CHST10: variants seen among roughly 807,000 people sequenced by gnomAD.
CHST10 encodes the protein HNK-1 sulfotransferase.
Under a neutral mutation model 34.7 loss-of-function variants are expected in CHST10, and 24 were observed. The observed-to-expected ratio is 0.69, with a 90% CI of 0.50 to 0.97. The LOEUF (loss-of-function observed/expected upper bound fraction) is 0.97. CHST10 is among the 50% of genes least tolerant of loss of function. CHST10 has a pLI of 0.00. For synonymous variants in CHST10, 161 were observed against 169.3 expected (o/e 0.95, Z 0.38); for missense variants, 402 against 452.1 (o/e 0.89, Z 1.00).
chr2:100,414,282 C>A lies in CHST10; in HGVS notation c.-33+759G>T, dbSNP rs142488252. 3.9e-3 allele frequency among the ~76,000 whole-genome samples: 601 copies of A among 152,216 alleles called. 2 individuals are homozygous for A. Among genetic ancestry groups the A allele is most frequent in the African/African-American group, 0.014 (564 of 41,522 alleles). On this transcript the variant is annotated intron_variant, in intron 2 of 6. Transcript: ENST00000264249. Reference sequence around the variant, plus strand: ...AGGCCTGTCAATGGCCCTTTACTGACAACCTCACCTCATACACATACCAGG... The same window carrying A: ...AGGCCTGTCAATGGCCCTTTACTGAAAACCTCACCTCATACACATACCAGG...
chr2:100,415,176 A>C lies in CHST10; in HGVS notation c.-103-65T>G, dbSNP rs1365389591. 5 of 1,016,730 alleles carry C rather than the reference A, an allele frequency of 4.9e-6. No individual in the cohort carries two copies. In the Admixed American group the frequency reaches 1.4e-4, roughly 29 times the overall value. 63.0% of individuals were successfully genotyped at this position (1,016,730 alleles called of 1,614,324 possible). A position where few individuals can be genotyped will look rare whatever the true frequency, so the allele number is the denominator to read the frequency against. ...GTTACAAGATCAACTTACTTAATAC[A>C]ACTTGGTTTATACTTAGGAAGGAAA... is the stretch of plus-strand genomic sequence containing the variant. On this transcript the variant is annotated intron_variant, in intron 1 of 6. Transcript: ENST00000264249.
At chr2:100,400,380 T>C (rs576483754) in intron 4 of CHST10, among the ~76,000 whole-genome samples, 71 of 151,674 alleles carry the variant, frequency 4.7e-4, no homozygotes, top group Non-Finnish European at 8.7e-4. Flanking sequence ...GCTGGGGTTA[T>C]AAACACACAC....
rs770471547 is a variant in CHST10 at position 100,393,564 on chromosome 2, C to T, written c.752G>A (p.Trp251Ter). The T allele has an allele frequency of 3.7e-6, 6 of 1,614,044 alleles. No homozygotes were observed. The African/African-American group carries it at 8.0e-5, about 22-fold the overall frequency. The change falls in exon 7 of 7, where the codon TGG (tryptophan) becomes TAG (stop). Residue 251 changes from tryptophan (W) to a stop codon, truncating the protein, a stop_gained. Transcript: ENST00000264249. LOFTEE classifies it high-confidence loss of function. Reference protein sequence around the residue: ...VRYLGDPNHRWLDLQFGDHII... With the variant: ...VRYLGDPNHR ...GTGGTCCCCAAACTGAAGGTCTAGC[C>T]ATCTGTGGTTCGGATCGCCGAGGTA...
In CHST10 at chr2:100,395,573, G is replaced by T. The variant is rs1488938780; in HGVS notation, c.469C>A (p.His157Asn). ...SIEEIPENVV[H>N]DHEKNGLPRL... is the part of the protein sequence containing the mutation. ...GGAAGGCCGTTCTTCTCGTGGTCGT[G>T]CACCACGTTTTCGGGGATCTCCTCA... Residue 157 changes from histidine (H) to asparagine (N), a missense_variant, in exon 6 of 7, where the codon CAC becomes AAC. Transcript: ENST00000264249. The T allele has an allele frequency of 6.2e-7, 1 of 1,614,046 alleles. No homozygotes were observed. Among genetic ancestry groups the T allele is most frequent in the Non-Finnish European group, 8.5e-7 (1 of 1,179,936 alleles).
intron 3 of CHST10, among the ~76,000 whole-genome samples, chr2:100,405,681 G>A (rs1055468289): frequency 6.6e-6 from 1 of 152,164 alleles, no homozygotes; most frequent in African/African-American, 2.4e-5. Flanking sequence ...AAAGTACGGT[G>A]CAGAGCACAG....
intron 3 of CHST10, among the ~76,000 whole-genome samples, chr2:100,404,034 G>A (rs375237789): frequency 4.6e-5 from 7 of 152,222 alleles, no homozygotes; most frequent in African/African-American, 1.2e-4. Flanking sequence ...TCAGCCCAGC[G>A]TCCTTGTGCA....
chr2:100,393,787 G>A lies in CHST10; in HGVS notation c.534-5C>T, dbSNP rs1174815463. ...AACTTGAAGTATGTTTTCAATCTAA[G>A]GAAAAAAACGAACAAGAGGTTAACT... On this transcript the variant is annotated splice_region_variant and splice_polypyrimidine_tract_variant and intron_variant, in intron 6 of 6. Coordinates refer to ENST00000264249, the MANE Select transcript of CHST10 (RefSeq NM_004854.5). 1 of 1,598,314 alleles carries A rather than the reference G, an allele frequency of 6.3e-7. No homozygotes were observed.
At chr2:100,413,291 C>T (rs1037315397) in intron 2 of CHST10, among the ~76,000 whole-genome samples, 3 of 152,224 alleles carry the variant, frequency 2.0e-5, no homozygotes, top group Admixed American at 6.5e-5. Flanking sequence ...CCCCTACACG[C>T]CCTCCCTTCG....
At chr2:100,399,157 G>A (rs1246693336) in intron 4 of CHST10, among the ~76,000 whole-genome samples, 3 of 150,758 alleles carry the variant, frequency 2.0e-5, no homozygotes, top group Non-Finnish European at 4.4e-5. Context: ...AGGCTGGAGT[G>A]CAGTGGCACG....
intron 4 of CHST10, among the ~76,000 whole-genome samples, chr2:100,398,564 TGTG>T (rs1402752819): frequency 4.0e-5 from 6 of 151,794 alleles, no homozygotes; most frequent in African/African-American, 1.2e-4. Flanking sequence ...ATTAGCTGGG[TGTG>T]GTGGTGCACA....
intron 5 of CHST10, among the ~76,000 whole-genome samples, chr2:100,395,858 G>A (rs908181501): frequency 6.6e-5 from 10 of 152,216 alleles, no homozygotes; most frequent in Admixed American, 5.9e-4. Context: ...TCAGGGAGGA[G>A]GGGGAGGGAG....
In CHST10 at chr2:100,393,506, A is replaced by G. The variant is rs766144204; in HGVS notation, c.810T>C (p.Cys270=). 1.3e-5 allele frequency: 21 copies of G among 1,614,106 alleles called. No homozygotes were observed. The South Asian group carries it at 2.2e-4, about 17-fold the overall frequency. Residue 270 remains cysteine (C), a synonymous_variant, in exon 7 of 7, where the codon TGT becomes TGC. Coordinates refer to ENST00000264249, the MANE Select transcript of CHST10 (RefSeq NM_004854.5). ...CACTGTACATTATCTCACAGGGAGC[A>G]CAGAGCTCTACATACGTCACCCAGT... ...IIHWVTYVEL[C]APCEIMYSVI... is the part of the protein sequence containing the mutation.
intron 5 of CHST10, among the ~76,000 whole-genome samples, chr2:100,397,367 C>T (rs954954559): frequency 1.3e-5 from 2 of 152,232 alleles, no homozygotes; most frequent in Non-Finnish European, 2.9e-5. Context: ...ATCCTCTGAA[C>T]ACAGATGCTT....
chr2:100,398,033 G>A lies in CHST10; in HGVS notation c.302C>T (p.Ser101Leu), dbSNP rs1389279650. ...GACAAACTTGGAGACAGGAGTGTGC[G>A]AGAGATTCTTCAGGGCATCATCCCT... ...VCRDDALKNL[S>L]HTPVSKFVLD... The change falls in exon 5 of 7, where the codon TCG (serine) becomes TTG (leucine). Residue 101 changes from serine to leucine, a missense_variant. Transcript: ENST00000264249. 4.3e-6 allele frequency: 7 copies of A among 1,614,150 alleles called. No homozygotes were observed. Among genetic ancestry groups the A allele is most frequent in the Admixed American group, 3.3e-5 (2 of 60,028 alleles).
At chr2:100,401,372 G>A (rs998337857) in intron 4 of CHST10, among the ~76,000 whole-genome samples, 11 of 152,100 alleles carry the variant, frequency 7.2e-5, no homozygotes, top group African/African-American at 2.2e-4. Context: ...ACATTCAGGC[G>A]CAGTCTTTTT....
In CHST10 at chr2:100,398,124, G is replaced by C. The variant is rs142086595; in HGVS notation, c.211C>G (p.Pro71Ala). The C allele has an allele frequency of 6.2e-7, 1 of 1,612,358 alleles. No homozygotes were observed. Among genetic ancestry groups the C allele is most frequent in the Middle Eastern group, 1.7e-4 (1 of 6,048 alleles). Residue 71 changes from proline (P) to alanine (A), a missense_variant, in exon 5 of 7, where the codon CCA becomes GCA. Transcript: ENST00000264249. ...AGGGGCTGAACGAGCTGGCTGTCTG[G>C]AAGCTCCTTCCCAGTTGGCTGCAGG... ...EELKPTGKELPDSQLVQPLVY... is the reference protein window; with the variant it reads ...EELKPTGKELADSQLVQPLVY...
At position 100,392,199 on chromosome 2, in the gene CHST10, G is replaced by A. The variant is rs891602541; in HGVS notation, c.*1046C>T. The A allele has an allele frequency of 2.0e-5, 3 of 152,756 alleles. No homozygotes were observed. Among genetic ancestry groups the A allele is most frequent in the Non-Finnish European group, 2.9e-5 (2 of 68,124 alleles). 9.5% of individuals were successfully genotyped at this position (152,756 alleles called of 1,614,324 possible). ...TTCCAGTCACATGGTCCAGGATGGT[G>A]GTGTGATCAGAAATGGCTCTGGCAG... On this transcript the variant is annotated 3_prime_UTR_variant, in exon 7 of 7. Coordinates refer to ENST00000264249, the MANE Select transcript of CHST10 (RefSeq NM_004854.5).
chr2:100,406,791 T>A (rs1273695724), intron 2 of CHST10, 84 bp from the exon 3 acceptor site: 1 of 1,525,122 alleles, frequency 6.6e-7, no homozygotes, highest in Non-Finnish European at 8.8e-7. Context: ...GTGATTTCAG[T>A]CAGTAAGTAT....
At chr2:100,411,219 C>T (rs1027675309) in intron 2 of CHST10, among the ~76,000 whole-genome samples, 48 of 150,250 alleles carry the variant, frequency 3.2e-4, no homozygotes, top group African/African-American at 1.1e-3. Context: ...TGGGTTCAAG[C>T]GATTCTCCTG....
Sources: gnomAD v4.1 joint callset for allele counts (sites outside exome capture counted in the v4.1 genomes callset) on GRCh38, gnomAD v4.1.1 for gene constraint, MANE v1.5 for transcripts, NCBI Gene and HGNC (gene_info 2026-07-23, HGNC 2026-07-21) for gene names.